EEFSEC: variants seen among roughly 807,000 people sequenced by gnomAD.
The protein encoded by EEFSEC is eukaryotic elongation factor, selenocysteine-tRNA specific, also known as selenocysteine-specific elongation factor.
A neutral mutation model predicts 42.1 loss-of-function variants in EEFSEC; 43 were observed. The observed-to-expected ratio is 1.02, with a 90% CI of 0.80 to 1.32. The LOEUF (loss-of-function observed/expected upper bound fraction) is 1.32, where lower values mean the gene tolerates loss of function less well. EEFSEC is among the 40% of genes most tolerant of loss of function. The pLI, the probability that EEFSEC is intolerant of heterozygous loss-of-function variation, is 0.00. For missense variants in EEFSEC, 745 were observed against 803.6 expected, an observed-to-expected ratio of 0.93 and a Z score of 0.88; for synonymous variants, 354 against 339.1, an observed-to-expected ratio of 1.04 and a Z score of -0.48.
rs375322409 is a variant in EEFSEC, at chr3:128,408,125, C to T, written c.1657C>T (p.Arg553Trp). 74 of 1,610,018 alleles carry T rather than the reference C, an allele frequency of 4.6e-5. No homozygotes were observed. Among genetic ancestry groups the T allele is most frequent in the Middle Eastern group, 1.7e-4 (1 of 6,038 alleles). ...GACACCCGCCCTCAAGAAGCGGGCC[C>T]GGGCTGGCCGTGGGGAGGCCACCAG... Reference protein sequence around the residue: ...ILTPALKKRARAGRGEATRQE... With the variant: ...ILTPALKKRAWAGRGEATRQE... The change falls in exon 7 of 7, where the codon CGG (arginine) becomes TGG (tryptophan). Residue 553 changes from arginine to tryptophan, a missense_variant. By Grantham distance (101) the Arg-to-Trp change is moderately radical. Coordinates refer to ENST00000254730, the MANE Select transcript of EEFSEC (RefSeq NM_021937.5).
intron 6 of EEFSEC, among the ~76,000 whole-genome samples, chr3:128,405,652 G>A (rs3930226): frequency 0.015 from 2,241 of 152,382 alleles, 50 homozygotes; most frequent in African/African-American, 0.051. Flanking sequence ...CCGGACTGAA[G>A]CTTGATGTGC....
At chr3:128,397,221 C>T (rs922589736) in intron 6 of EEFSEC, among the ~76,000 whole-genome samples, 1 of 152,238 alleles carries the variant, frequency 6.6e-6, no homozygotes, top group Admixed American at 6.5e-5. Context: ...GCTGCAGCCC[C>T]CTGCTGCCCC....
At chr3:128,411,685 A>G (rs775960215), downstream of EEFSEC, among the ~76,000 whole-genome samples, 1 of 152,180 alleles carries the variant, frequency 6.6e-6, no homozygotes, top group African/African-American at 2.4e-5. Context: ...CAGCAGGGCT[A>G]ATGCACAAAC....
chr3:128,153,903 C>T, intron 1 of EEFSEC, 80 bp downstream of exon 1: 5 of 1,420,002 alleles, frequency 3.5e-6, no homozygotes, highest in Non-Finnish European at 4.6e-6. Context: ...TCGCTCGAGC[C>T]TTTGCCGGGA....
chr3:128,347,417 A>G (rs1025496504), intron 5 of EEFSEC, among the ~76,000 whole-genome samples: 1 of 152,208 alleles, frequency 6.6e-6, no homozygotes, highest in African/African-American at 2.4e-5. Flanking sequence ...GTGATAAGGG[A>G]AATAGTTGGT....
chr3:128,181,513 CA>C (rs2065404903), intron 1 of EEFSEC, among the ~76,000 whole-genome samples: 1 of 152,192 alleles, frequency 6.6e-6, no homozygotes, highest in African/African-American at 2.4e-5. Flanking sequence ...ACAACAAAAA[CA>C]AAAGAGAAGC....
At chr3:128,213,886 C>T (rs2065783990) in intron 1 of EEFSEC, among the ~76,000 whole-genome samples, 2 of 152,018 alleles carry the variant, frequency 1.3e-5, no homozygotes. Flanking sequence ...CCAAGAATGT[C>T]AAAGTCACAA....
At chr3:128,375,043 T>C (rs2067693833) in intron 6 of EEFSEC, among the ~76,000 whole-genome samples, 1 of 152,176 alleles carries the variant, frequency 6.6e-6, no homozygotes, top group African/African-American at 2.4e-5. Flanking sequence ...GGCCCAGCCT[T>C]TGGGGTGGTT....
chr3:128,208,238 G>T (rs1372248177), intron 1 of EEFSEC, among the ~76,000 whole-genome samples: 2 of 152,174 alleles, frequency 1.3e-5, no homozygotes, highest in African/African-American at 4.8e-5. Flanking sequence ...AAGCCTCTTT[G>T]GTCCTGTTAG....
intron 4 of EEFSEC, among the ~76,000 whole-genome samples, chr3:128,279,201 G>T (rs1340225224): frequency 6.6e-6 from 1 of 152,202 alleles, no homozygotes; most frequent in Non-Finnish European, 1.5e-5. Context: ...AGCCCTTACT[G>T]CGGGCAGGGG....
chr3:128,231,570 C>A (rs2065959225), intron 1 of EEFSEC, among the ~76,000 whole-genome samples: 1 of 152,230 alleles, frequency 6.6e-6, no homozygotes, highest in Non-Finnish European at 1.5e-5. Context: ...TGTGAAAGAT[C>A]ATACTGCTGG....
At chr3:128,259,417 A>T (rs2066275180) in intron 2 of EEFSEC, among the ~76,000 whole-genome samples, 1 of 152,248 alleles carries the variant, frequency 6.6e-6, no homozygotes, top group Non-Finnish European at 1.5e-5. Context: ...AATAATTTTT[A>T]AAAGACTATT....
At chr3:128,416,425 G>C in the EEFSEC span, among the ~76,000 whole-genome samples, 1 of 152,110 alleles carries the variant, frequency 6.6e-6, no homozygotes, top group Non-Finnish European at 1.5e-5. Flanking sequence ...GGGTTCCCTC[G>C]CACACCAGGC....
At position 128,342,527 on chromosome 3, in the gene EEFSEC, A is replaced by G. The variant is rs140331490; in HGVS notation, c.1443+638A>G. 3.3e-3 allele frequency among the ~76,000 whole-genome samples: 507 copies of G among 152,380 alleles called. 2 individuals carry two copies. Among genetic ancestry groups the G allele is most frequent in the African/African-American group, 0.012 (487 of 41,586 alleles). On this transcript the variant is annotated intron_variant, in intron 5 of 6. Coordinates refer to ENST00000254730, the MANE Select transcript of EEFSEC (RefSeq NM_021937.5). ...AGGAAGCTGACACAGTGGGAGGTCCAGCCCCTGGCTACCTAGGGTGCCTGA... is the reference window on the plus strand; with the variant it reads ...AGGAAGCTGACACAGTGGGAGGTCCGGCCCCTGGCTACCTAGGGTGCCTGA...
At chr3:128,226,714 ACT>A (rs569309394) in intron 1 of EEFSEC, among the ~76,000 whole-genome samples, 119 of 151,954 alleles carry the variant, frequency 7.8e-4, no homozygotes, top group African/African-American at 2.7e-3. Context: ...CCCCCAGAAG[ACT>A]CTGAAGCTTC....
At chr3:128,383,003 C>T (rs1423009174) in intron 6 of EEFSEC, among the ~76,000 whole-genome samples, 1 of 152,144 alleles carries the variant, frequency 6.6e-6, no homozygotes, top group Non-Finnish European at 1.5e-5. Context: ...GCCCCCATTC[C>T]CCCAGCCCCT....
At chr3:128,380,041 G>A (rs528254848) in intron 6 of EEFSEC, among the ~76,000 whole-genome samples, 6 of 152,356 alleles carry the variant, frequency 3.9e-5, no homozygotes, top group South Asian at 2.1e-4. Context: ...AGCAAGGTGC[G>A]ATTATTGGTC....
chr3:128,215,511 A>T (rs576763899), intron 1 of EEFSEC, among the ~76,000 whole-genome samples: 1 of 152,218 alleles, frequency 6.6e-6, no homozygotes, highest in Non-Finnish European at 1.5e-5. Context: ...GATGATGCAC[A>T]TGAGTAGTCA....
At chr3:128,238,899 G>A (rs2066040964) in intron 1 of EEFSEC, among the ~76,000 whole-genome samples, 1 of 152,212 alleles carries the variant, frequency 6.6e-6, no homozygotes, top group Non-Finnish European at 1.5e-5. Context: ...AACTTCTTCT[G>A]GTCCACGTGG....
Sources: allele counts gnomAD v4.1 joint callset (sites outside exome capture counted in the v4.1 genomes callset), GRCh38; gene constraint gnomAD v4.1.1; transcripts MANE v1.5; gene names NCBI Gene and HGNC (gene_info 2026-07-23, HGNC 2026-07-21).